MAST4: variants seen among roughly 807,000 people sequenced by gnomAD.
MAST4 encodes microtubule associated serine/threonine kinase family member 4, also known as microtubule-associated serine/threonine-protein kinase 4.
A neutral mutation model predicts 162.7 loss-of-function variants in MAST4; 89 were observed. That is an observed-to-expected ratio of 0.55 (90% CI 0.46 to 0.65). The LOEUF is 0.65. MAST4 is among the 30% of genes least tolerant of loss of function. The pLI is 0.00. For synonymous variants in MAST4, 1,479 were observed against 1,361.1 expected, an observed-to-expected ratio of 1.09 and a Z score of -1.91; for missense variants, 3,153 against 3,374.0, an observed-to-expected ratio of 0.93 and a Z score of 1.62.
intron 4 of MAST4, among the ~76,000 whole-genome samples, chr5:66,957,382 C>T (rs962063236): frequency 6.6e-6 from 1 of 151,954 alleles, no homozygotes; most frequent in South Asian, 2.1e-4. Context: ...GCTGTGTTGC[C>T]CAGGCTGGTC....
chr5:66,818,097 T>A (rs1047874237), intron 3 of MAST4, among the ~76,000 whole-genome samples: 6 of 152,238 alleles, frequency 3.9e-5, no homozygotes, highest in Non-Finnish European at 8.8e-5. Flanking sequence ...CCAGGTCCTG[T>A]ATACATAAGA....
At chr5:66,642,169 T>C (rs2149436511) in intron 1 of MAST4, among the ~76,000 whole-genome samples, 1 of 152,246 alleles carries the variant, frequency 6.6e-6, no homozygotes, top group South Asian at 2.1e-4. Flanking sequence ...TGAATCTAAT[T>C]CTGTTCAAGT....
chr5:66,915,881 C>T (rs1764086464), intron 4 of MAST4, among the ~76,000 whole-genome samples: 2 of 152,206 alleles, frequency 1.3e-5, no homozygotes, highest in Admixed American at 6.5e-5. Context: ...TCTTCTCCTA[C>T]CATTATGGGT....
At chr5:66,754,914 G>A (rs1009657853) in intron 1 of MAST4, among the ~76,000 whole-genome samples, 1 of 152,302 alleles carries the variant, frequency 6.6e-6, no homozygotes, top group South Asian at 2.1e-4. Context: ...TGTGTCGCAG[G>A]TAGAGGAAAT....
intron 2 of MAST4, among the ~76,000 whole-genome samples, chr5:66,774,416 G>T (rs1205344308): frequency 1.3e-5 from 2 of 152,184 alleles, no homozygotes; most frequent in Non-Finnish European, 2.9e-5. Context: ...TATGAGTGCT[G>T]TGATGCCCCT....
At chr5:67,106,570 C>G (rs1184483468) in intron 10 of MAST4, among the ~76,000 whole-genome samples, 1 of 152,142 alleles carries the variant, frequency 6.6e-6, no homozygotes, top group Non-Finnish European at 1.5e-5. Flanking sequence ...GGCTCAGACC[C>G]TCATCCAGCT....
intron 1 of MAST4, among the ~76,000 whole-genome samples, chr5:66,683,711 G>A (rs1015666795): frequency 6.6e-6 from 1 of 152,150 alleles, no homozygotes; most frequent in Non-Finnish European, 1.5e-5. Flanking sequence ...GCCCCCAGAG[G>A]ATTACCTGAG....
At chr5:66,612,398 G>A (rs1743348311) in intron 1 of MAST4, among the ~76,000 whole-genome samples, 1 of 152,146 alleles carries the variant, frequency 6.6e-6, no homozygotes, top group Non-Finnish European at 1.5e-5. Context: ...GGACTCCCCC[G>A]AGTACCCTGG....
rs1347230628 is a variant in MAST4 at position 67,167,473 on chromosome 5, C to T, written c.*422C>T. 6.5e-6 allele frequency: 1 copy of T among 154,466 alleles called. No individual in the cohort carries two copies. Among genetic ancestry groups the T allele is most frequent in the African/African-American group, 2.4e-5 (1 of 41,458 alleles). 9.6% of individuals were successfully genotyped at this position (154,466 alleles called of 1,614,324 possible). On this transcript the variant is annotated 3_prime_UTR_variant, in exon 29 of 29. Coordinates refer to ENST00000403625, the MANE Select transcript of MAST4 (RefSeq NM_001164664.2). ...TAATGTAGTAATGAAGCAAAATGGT[C>T]AAAACTGGGTGTGTGTGAACAGAGA...
chr5:66,875,840 G>A (rs1761263666), intron 3 of MAST4, among the ~76,000 whole-genome samples: 1 of 152,150 alleles, frequency 6.6e-6, no homozygotes, highest in Admixed American at 6.5e-5. Flanking sequence ...AGCTCAGTGT[G>A]GTCTCTTAAG....
chr5:66,702,189 A>C (rs1486789976), intron 1 of MAST4, among the ~76,000 whole-genome samples: 1 of 152,156 alleles, frequency 6.6e-6, no homozygotes, highest in Non-Finnish European at 1.5e-5. Context: ...CTGCTGGCCC[A>C]GGAGTGGGTA....
intron 2 of MAST4, among the ~76,000 whole-genome samples, chr5:66,780,180 C>T (rs1754792258): frequency 6.6e-6 from 1 of 152,082 alleles, no homozygotes; most frequent in Non-Finnish European, 1.5e-5. Context: ...TTTCATCATC[C>T]CAAACTGAAA....
chr5:66,754,244 A>G (rs1753383125), intron 1 of MAST4, among the ~76,000 whole-genome samples: 2 of 152,292 alleles, frequency 1.3e-5, no homozygotes, highest in South Asian at 2.1e-4. Context: ...AAAAGATTGG[A>G]TTGATTTGGA....
intron 4 of MAST4, among the ~76,000 whole-genome samples, chr5:67,031,901 G>A (rs1279954907): frequency 6.6e-6 from 1 of 152,104 alleles, no homozygotes; most frequent in Non-Finnish European, 1.5e-5. Context: ...TCTTACAGGT[G>A]GAGAACTAGA....
At position 67,033,311 on chromosome 5, in the gene MAST4, T is replaced by TTC. The variant is rs1235674488; in HGVS notation, c.675-21089_675-21088dup. 9.8e-4 allele frequency among the ~76,000 whole-genome samples: 86 copies of TTC among 87,764 alleles called. 2 individuals carry two copies. Among genetic ancestry groups the TTC allele is most frequent in the African/African-American group, 3.7e-3 (55 of 14,690 alleles). The allele number at this position is 87,764 out of a possible 152,430, so 57.6% of individuals were successfully genotyped here. ...AAGGATTACTTTTTTGGGTTTTCAT[T>TTC]TCTCTGTGTGTGTGTGTGTGTGTGT... is the stretch of plus-strand genomic sequence containing the variant. On this transcript the variant is annotated intron_variant, in intron 4 of 28. Coordinates refer to ENST00000403625, the MANE Select transcript of MAST4 (RefSeq NM_001164664.2).
At position 66,929,427 on chromosome 5, in the gene MAST4, GTCAA is replaced by G. The variant is rs1477936017; in HGVS notation, c.674+29449_674+29452del. Among the ~76,000 whole-genome samples, 10 of 152,264 alleles carry G rather than the reference GTCAA, an allele frequency of 6.6e-5. No homozygotes were observed. In the East Asian group the frequency reaches 1.7e-3, roughly 26 times the overall value. On this transcript the variant is annotated intron_variant, in intron 4 of 28. Transcript: ENST00000403625. ...CTTCACTTAGTTCATGGACTCATAT[GTCAA>G]TCAGTCTCCTCTGGACACACCCTCA...
At chr5:66,859,420 A>G (rs549637753) in intron 3 of MAST4, among the ~76,000 whole-genome samples, 1 of 152,270 alleles carries the variant, frequency 6.6e-6, no homozygotes, top group Admixed American at 6.5e-5. Context: ...TTTAAGACAC[A>G]GGTCAGTGTC....
At chr5:67,016,973 A>G (rs1753363209) in intron 4 of MAST4, among the ~76,000 whole-genome samples, 1 of 152,198 alleles carries the variant, frequency 6.6e-6, no homozygotes. Flanking sequence ...GAGATGATTT[A>G]CTTATAGGCT....
chr5:66,966,046 A>G (rs954581767), intron 4 of MAST4, among the ~76,000 whole-genome samples: 1 of 152,212 alleles, frequency 6.6e-6, no homozygotes, highest in African/African-American at 2.4e-5. Flanking sequence ...GGTTTTATGT[A>G]CATGGTTTCA....
Sources: gnomAD v4.1 joint callset for allele counts (sites outside exome capture counted in the v4.1 genomes callset) on GRCh38, gnomAD v4.1.1 for gene constraint, MANE v1.5 for transcripts, NCBI Gene and HGNC (gene_info 2026-07-23, HGNC 2026-07-21) for gene names.